Variants in BLVRA observed in about 807,000 individuals in gnomAD.
BLVRA encodes biliverdin reductase A, also known as BVR A.
In BLVRA, 22 loss-of-function variants were observed where a neutral mutation model predicts 32.8. That is an observed-to-expected ratio of 0.67 (90% CI 0.48 to 0.96). BLVRA has a LOEUF of 0.96. Among genes scored for constraint, BLVRA ranks in the 40% least tolerant of loss-of-function variants. The pLI is 0.00. For missense variants in BLVRA, 323 were observed against 358.1 expected (o/e 0.90, Z 0.79); for synonymous variants, 119 against 141.3 (o/e 0.84, Z 1.12).
chr7:43,796,431 A>T (rs966270567), intron 5 of BLVRA, among the ~76,000 whole-genome samples: 1 of 152,208 alleles, frequency 6.6e-6, no homozygotes, highest in Non-Finnish European at 1.5e-5. Flanking sequence ...CTAAAACCAG[A>T]TGGCTTCACT....
rs2095779450 is a variant in BLVRA, at chr7:43,787,654, TG to T, written c.13-247del. Among the ~76,000 whole-genome samples, 1 of 152,122 alleles carries T rather than the reference TG, an allele frequency of 6.6e-6. No homozygotes were observed. The highest frequency in any genetic ancestry group is 1.5e-5 in the Non-Finnish European group (1 of 68,022). On this transcript the variant is annotated intron_variant, in intron 2 of 7. Coordinates refer to ENST00000265523, the MANE Select transcript of BLVRA (RefSeq NM_000712.4). This position sits in a 1 kb window ranked among gnomAD's most constrained non-coding sequence, Gnocchi z 4.5. Reference sequence around the variant, plus strand: ...AGCCAAATTGGGGGAACACTTTCTGTGGGTACTCGGAAGGTTTTCAACCTAA... The same window carrying T: ...AGCCAAATTGGGGGAACACTTTCTGTGGTACTCGGAAGGTTTTCAACCTAA...
intron 1 of BLVRA, among the ~76,000 whole-genome samples, chr7:43,760,456 T>C (rs1350396929): frequency 1.3e-5 from 2 of 152,188 alleles, no homozygotes; most frequent in African/African-American, 2.4e-5. Flanking sequence ...GCTGCGCGCA[T>C]TTTCATTTCT....
intron 2 of BLVRA, among the ~76,000 whole-genome samples, chr7:43,779,953 AACCTCTGCCTCCCGGGTTCATGCG>A (rs971466556): frequency 6.6e-6 from 1 of 151,480 alleles, no homozygotes; most frequent in African/African-American, 2.4e-5. Context: ...GGCTCACTGC[AACCTCTGCCTCCCGGGTTCATGCG>A]ATTCTCCCAC....
At chr7:43,763,561 T>G (rs566698886) in intron 1 of BLVRA, among the ~76,000 whole-genome samples, 1 of 152,174 alleles carries the variant, frequency 6.6e-6, no homozygotes, top group African/African-American at 2.4e-5. Flanking sequence ...AGGCAAAAAA[T>G]GTTTTTGAAA....
upstream of BLVRA, among the ~76,000 whole-genome samples, chr7:43,758,450 G>T (rs1323389636): frequency 8.5e-6 from 1 of 118,100 alleles, no homozygotes; most frequent in Admixed American, 8.3e-5. Flanking sequence ...TCGCCACCAA[G>T]CTGGGTGCAG....
chr7:43,768,335 C>G (rs2095750474), intron 1 of BLVRA, among the ~76,000 whole-genome samples: 1 of 152,142 alleles, frequency 6.6e-6, no homozygotes, highest in African/African-American at 2.4e-5. Context: ...GGACTGGACA[C>G]CAGGTCTCCT....
At chr7:43,798,152 C>T (rs532919094) in intron 5 of BLVRA, among the ~76,000 whole-genome samples, 1 of 136,878 alleles carries the variant, frequency 7.3e-6, no homozygotes, top group African/African-American at 2.8e-5. Context: ...CGAGATCGCA[C>T]CACTATACTC....
rs1193449464 is a variant in BLVRA, at chr7:43,771,288, C to T, written c.12+118C>T. 9 of 1,232,336 alleles carry T rather than the reference C, an allele frequency of 7.3e-6. No individual in the cohort carries two copies. The Admixed American group carries it at 7.4e-5, about 10-fold the overall frequency. The allele number at this position is 1,232,336 out of a possible 1,614,324, so 76.3% of individuals were successfully genotyped here. On this transcript the variant is annotated intron_variant, in intron 2 of 7. Coordinates refer to ENST00000265523, the MANE Select transcript of BLVRA (RefSeq NM_000712.4). The stretch of plus-strand genomic sequence containing the variant: ...TCAGCACAAACTTGAGAACATTTCC[C>T]CTCTAGCCTACTGAAGTGCACGTGG...
intron 5 of BLVRA, among the ~76,000 whole-genome samples, chr7:43,797,253 A>G (rs1563549954): frequency 6.6e-6 from 1 of 152,060 alleles, no homozygotes; most frequent in East Asian, 1.9e-4. Flanking sequence ...ACACACAGCT[A>G]ATTTTTGTAT....
At chr7:43,805,282 CTTT>C (rs368451107) in intron 7 of BLVRA, among the ~76,000 whole-genome samples, 34 of 138,788 alleles carry the variant, frequency 2.4e-4, no homozygotes, top group African/African-American at 3.5e-4. Context: ...CTCTCTCTCT[CTTT>C]TTTTTTTTTT....
intron 2 of BLVRA, among the ~76,000 whole-genome samples, chr7:43,777,161 A>T (rs1469596455): frequency 1.3e-5 from 2 of 151,372 alleles, no homozygotes; most frequent in Non-Finnish European, 3.0e-5. Context: ...TAATATTGTT[A>T]TGTGTGAATT....
At chr7:43,770,995 G>C in intron 1 of BLVRA, 143 bp from the exon 2 acceptor site, 2 of 740,996 alleles carry the variant, frequency 2.7e-6, no homozygotes, top group Non-Finnish European at 4.8e-6. Context: ...TAGCTGGAAG[G>C]CACAGGTGGT....
intron 6 of BLVRA, 113 bp downstream of exon 6, chr7:43,800,685 T>G: frequency 1.1e-6 from 1 of 939,628 alleles, no homozygotes; most frequent in Non-Finnish European, 1.7e-6. Flanking sequence ...ACTCTCTGAC[T>G]CAGGGCCACT....
At chr7:43,762,965 A>C (rs1048522018) in intron 1 of BLVRA, among the ~76,000 whole-genome samples, 1 of 151,876 alleles carries the variant, frequency 6.6e-6, no homozygotes, top group African/African-American at 2.4e-5. Context: ...TGCTGGGGGG[A>C]AAACGGTATG....
intron 2 of BLVRA, among the ~76,000 whole-genome samples, chr7:43,783,027 G>A (rs1370563161): frequency 2.0e-5 from 3 of 152,066 alleles, no homozygotes; most frequent in African/African-American, 7.2e-5. Context: ...GCACTGTAGA[G>A]GGAGCTCCAG....
intron 1 of BLVRA, among the ~76,000 whole-genome samples, chr7:43,759,293 A>G (rs1367792021): frequency 6.6e-6 from 1 of 152,272 alleles, no homozygotes; most frequent in Admixed American, 6.5e-5. Context: ...TGAGGGTTAC[A>G]TGACAGTGTT....
chr7:43,805,625 G>A (rs914136796), intron 7 of BLVRA, among the ~76,000 whole-genome samples: 2 of 152,004 alleles, frequency 1.3e-5, no homozygotes, highest in Non-Finnish European at 2.9e-5. Context: ...ATCAGATGAG[G>A]GATTGGGACA....
intron 1 of BLVRA, among the ~76,000 whole-genome samples, chr7:43,762,605 CCT>C (rs1563533689): frequency 2.5e-5 from 3 of 118,652 alleles, no homozygotes; most frequent in Non-Finnish European, 3.5e-5. Context: ...CCCAGTAGTT[CCT>C]TTTTTTTTTT....
chr7:43,766,586 G>A (rs1320770887), intron 1 of BLVRA, among the ~76,000 whole-genome samples: 2 of 152,200 alleles, frequency 1.3e-5, no homozygotes, highest in Non-Finnish European at 2.9e-5. Flanking sequence ...GCCAGACAAT[G>A]GGGAGGAAAG....
Sources: allele counts gnomAD v4.1 joint callset (sites outside exome capture counted in the v4.1 genomes callset), GRCh38; gene constraint gnomAD v4.1.1; non-coding constraint Gnocchi (gnomAD v3.1); transcripts MANE v1.5; gene names NCBI Gene and HGNC (gene_info 2026-07-23, HGNC 2026-07-21).